VPS13B: variants seen among roughly 807,000 people sequenced by gnomAD.
The protein encoded by VPS13B is intermembrane lipid transfer protein VPS13B.
A neutral mutation model predicts 426.4 loss-of-function variants in VPS13B; 285 were observed. The ratio of observed to expected loss-of-function variants is 0.67; its 90% CI spans 0.61 to 0.74. The LOEUF is 0.74. Ranked by LOEUF, VPS13B falls within the 30% of genes least tolerant of loss-of-function variation. VPS13B has a pLI of 0.00. For missense variants in VPS13B, 4,537 were observed against 4,782.6 expected (o/e 0.95, Z 1.51); for synonymous variants, 1,676 against 1,676.4 (o/e 1.00, Z 0.01).
At chr8:99,768,671 T>G (rs1012990258) in intron 40 of VPS13B, among the ~76,000 whole-genome samples, 1 of 152,218 alleles carries the variant, frequency 6.6e-6, no homozygotes, top group Non-Finnish European at 1.5e-5. Flanking sequence ...TCATTTGGGC[T>G]CTTTAAAAAT....
At chr8:99,335,475 C>A (rs186311552) in intron 19 of VPS13B, among the ~76,000 whole-genome samples, 1 of 152,212 alleles carries the variant, frequency 6.6e-6, no homozygotes, top group East Asian at 1.9e-4. Flanking sequence ...ATCTTTCCTG[C>A]TTTCTCTTGT....
rs774369930 is a variant in VPS13B, at chr8:99,871,533, G to A, written c.11581G>A (p.Gly3861Arg). 5 of 1,614,248 alleles carry A rather than the reference G, an allele frequency of 3.1e-6. No individual in the cohort carries two copies. The highest frequency in any genetic ancestry group is 4.2e-6 in the Non-Finnish European group (5 of 1,180,050). The change falls in exon 61 of 62, where the codon GGG becomes AGG. Residue 3861 changes from glycine to arginine, a missense_variant. By Grantham distance (125) the Gly-to-Arg change is moderately radical. Coordinates refer to ENST00000357162, the MANE Select transcript of VPS13B (RefSeq NM_152564.5). ...LVRGSGQEHEGCLLLTSEVLF... is the reference protein window; with the variant it reads ...LVRGSGQEHERCLLLTSEVLF... ...GAGGGGCTCAGGCCAGGAGCATGAAGGGTGCTTGCTGCTGACATCAGAAGT... is the reference window on the plus strand; with the variant it reads ...GAGGGGCTCAGGCCAGGAGCATGAAAGGTGCTTGCTGCTGACATCAGAAGT...
At chr8:99,514,230 C>A (rs1821941539) in intron 29 of VPS13B, among the ~76,000 whole-genome samples, 2 of 152,054 alleles carry the variant, frequency 1.3e-5, no homozygotes, top group South Asian at 4.1e-4. Context: ...CAAAATTTGC[C>A]TATAAATGTA....
chr8:99,450,265 A>G (rs1171449335), intron 23 of VPS13B, among the ~76,000 whole-genome samples: 4 of 152,222 alleles, frequency 2.6e-5, no homozygotes, highest in Non-Finnish European at 5.9e-5. Context: ...TGGGTGCAGG[A>G]AACAGAAACC....
intron 17 of VPS13B, among the ~76,000 whole-genome samples, chr8:99,273,877 CTTA>C (rs912287082): frequency 5.1e-4 from 77 of 152,144 alleles, no homozygotes; most frequent in African/African-American, 1.8e-3. Flanking sequence ...AAAGAAAAAT[CTTA>C]TTGTTTTCTA....
At chr8:99,560,730 G>A (rs1413291452) in intron 31 of VPS13B, among the ~76,000 whole-genome samples, 2 of 152,130 alleles carry the variant, frequency 1.3e-5, no homozygotes, top group Non-Finnish European at 2.9e-5. Context: ...GAATCTTGGT[G>A]GCACACCACA....
chr8:99,735,195 A>T (rs4734437), intron 39 of VPS13B, among the ~76,000 whole-genome samples: 9,368 of 152,230 alleles, frequency 0.062, 392 homozygotes, highest in African/African-American at 0.12. Flanking sequence ...GAGAGATGAG[A>T]ATAGAACCAT....
At chr8:99,862,031 T>C in intron 58 of VPS13B, 85 bp downstream of exon 58, 1 of 1,434,544 alleles carries the variant, frequency 7.0e-7, no homozygotes, top group Non-Finnish European at 9.3e-7. Context: ...CTTCGCCTTC[T>C]GCCTGGGAAT....
chr8:99,524,511 G>A (rs1822543455), intron 30 of VPS13B, among the ~76,000 whole-genome samples: 1 of 152,168 alleles, frequency 6.6e-6, no homozygotes. Context: ...ATACAATGGA[G>A]CCAGGTACAG....
At chr8:99,835,150 A>G in intron 52 of VPS13B, 47 bp from the exon 53 acceptor site, 2 of 1,612,102 alleles carry the variant, frequency 1.2e-6, no homozygotes, top group South Asian at 1.1e-5. Context: ...GAGAGCATTC[A>G]TTTTTTTTCC....
At chr8:99,317,514 G>A (rs977857323) in intron 19 of VPS13B, among the ~76,000 whole-genome samples, 2 of 151,938 alleles carry the variant, frequency 1.3e-5, no homozygotes, top group Non-Finnish European at 2.9e-5. Flanking sequence ...ATATACATTT[G>A]TGTGTCTGTG....
intron 21 of VPS13B, among the ~76,000 whole-genome samples, chr8:99,429,975 G>A (rs1329165457): frequency 6.6e-6 from 1 of 151,992 alleles, no homozygotes; most frequent in South Asian, 2.1e-4. Context: ...CTCTGCTGAA[G>A]CCATCTTTGC....
rs1809856854 is a variant in VPS13B at position 99,319,462 on chromosome 8, AG to A, written c.2824+44210del. ...AGTCTAAATTCAAGTAATTATCTACAGGTTTTTAACTTACATGGAAATCTGC... is the reference window on the plus strand; with the variant it reads ...AGTCTAAATTCAAGTAATTATCTACAGTTTTTAACTTACATGGAAATCTGC... On this transcript the variant is annotated intron_variant, in intron 19 of 61. Transcript: ENST00000357162. Among the ~76,000 whole-genome samples, 3 of 152,230 alleles carry A rather than the reference AG, an allele frequency of 2.0e-5. 1 individual carries two copies. In the South Asian group the frequency reaches 6.2e-4, roughly 31 times the overall value.
At chr8:99,462,669 T>C (rs1818901207) in intron 23 of VPS13B, among the ~76,000 whole-genome samples, 1 of 152,184 alleles carries the variant, frequency 6.6e-6, no homozygotes, top group Admixed American at 6.5e-5. Context: ...TGAATATTTG[T>C]GTTCCCTCAA....
intron 21 of VPS13B, among the ~76,000 whole-genome samples, chr8:99,430,355 C>G (rs1817022495): frequency 6.6e-6 from 1 of 152,034 alleles, no homozygotes; most frequent in Admixed American, 6.5e-5. Context: ...ATCCTAGGTT[C>G]TTCAAACTTA....
At chr8:99,229,359 A>G (rs1159852598) in intron 17 of VPS13B, among the ~76,000 whole-genome samples, 2 of 152,216 alleles carry the variant, frequency 1.3e-5, no homozygotes, top group African/African-American at 4.8e-5. Context: ...GCTGAAGTCA[A>G]CTTAATAAAA....
intron 8 of VPS13B, among the ~76,000 whole-genome samples, chr8:99,126,469 T>C (rs1848188996): frequency 6.6e-6 from 1 of 152,194 alleles, no homozygotes; most frequent in Non-Finnish European, 1.5e-5. Context: ...GTTAGGGTGA[T>C]GGTGAAAATA....
chr8:99,759,874 C>T (rs1810838165), intron 39 of VPS13B, among the ~76,000 whole-genome samples: 2 of 152,194 alleles, frequency 1.3e-5, no homozygotes, highest in Non-Finnish European at 1.5e-5. Flanking sequence ...TTGCCACCAA[C>T]CATACTCTCA....
chr8:99,086,186 C>G (rs1845777363), intron 3 of VPS13B, among the ~76,000 whole-genome samples: 1 of 152,138 alleles, frequency 6.6e-6, no homozygotes, highest in African/African-American at 2.4e-5. Context: ...CTAAACTTCT[C>G]TTCTGGCTTC....
Sources: allele counts gnomAD v4.1 joint callset (sites outside exome capture counted in the v4.1 genomes callset), GRCh38; gene constraint gnomAD v4.1.1; transcripts MANE v1.5; gene names NCBI Gene and HGNC (gene_info 2026-07-23, HGNC 2026-07-21).